The following TXLNA variants were observed in gnomAD, a reference collection of about 807,000 sequenced individuals.
TXLNA encodes taxilin alpha, also known as alpha-taxilin.
A neutral mutation model predicts 61.4 loss-of-function variants in TXLNA; 9 were observed. The observed-to-expected ratio is 0.15, with a 90% CI of 0.09 to 0.26. The LOEUF (loss-of-function observed/expected upper bound fraction) is 0.26. TXLNA is among the 10% of genes least tolerant of loss of function. The pLI is 1.00. For synonymous variants in TXLNA, 257 were observed against 267.7 expected (o/e 0.96, Z 0.39); for missense variants, 565 against 688.8 (o/e 0.82, Z 2.01).
chr1:32,193,727 T>C (rs931737587), intron 9 of TXLNA, among the ~76,000 whole-genome samples: 1 of 151,910 alleles, frequency 6.6e-6, no homozygotes, highest in African/African-American at 2.4e-5. Flanking sequence ...TCTTTTTTTT[T>C]TGTATTTTTA....
At position 32,181,676 on chromosome 1, in the gene TXLNA, G is replaced by A. The variant is rs1022388134; in HGVS notation, c.505+99G>A. On this transcript the variant is annotated intron_variant, in intron 3 of 10. Coordinates refer to ENST00000373610, the MANE Select transcript of TXLNA (RefSeq NM_175852.4). Reference sequence around the variant, plus strand: ...GTTCTGCCAGGATTCAAAGGAAAACGGTACTTCTCAGAGCAGCAAGTCACT... The same window carrying A: ...GTTCTGCCAGGATTCAAAGGAAAACAGTACTTCTCAGAGCAGCAAGTCACT... 56 of 1,182,106 alleles carry A rather than the reference G, an allele frequency of 4.7e-5. No individual in the cohort carries two copies. In the African/African-American group the frequency reaches 5.1e-4, roughly 11 times the overall value. The allele number at this position is 1,182,106 out of a possible 1,614,324, so 73.2% of individuals were successfully genotyped here. A position where few individuals can be genotyped will look rare whatever the true frequency, so the allele number is the denominator to read the frequency against.
rs190554231 is a variant in TXLNA at position 32,187,369 on chromosome 1, G to A, written c.598-585G>A. The stretch of plus-strand genomic sequence containing the variant: ...CATTATATTTCTGTTGTACAGGCCT[G>A]GATAGGGTCATGGGAGGGGAACTGA... On this transcript the variant is annotated intron_variant, in intron 4 of 10. Coordinates refer to ENST00000373610, the MANE Select transcript of TXLNA (RefSeq NM_175852.4). Among the ~76,000 whole-genome samples, 24 of 152,264 alleles carry A rather than the reference G, an allele frequency of 1.6e-4. No individual in the cohort carries two copies. In the East Asian group the frequency reaches 4.2e-3, roughly 27 times the overall value.
chr1:32,191,559 C>T (rs573634977), intron 6 of TXLNA, among the ~76,000 whole-genome samples: 123 of 152,040 alleles, frequency 8.1e-4, no homozygotes, highest in Non-Finnish European at 1.3e-3. Context: ...TTTCTCTCCC[C>T]GCCAAGGCAA....
At chr1:32,194,802 C>G in intron 10 of TXLNA, 100 bp from the exon 11 acceptor site, 2 of 1,403,360 alleles carry the variant, frequency 1.4e-6, no homozygotes, top group Non-Finnish European at 9.7e-7. Flanking sequence ...GCTTTGGACT[C>G]GGTCTGCTCT....
chr1:32,180,829 A>T (rs1409607620), intron 2 of TXLNA, among the ~76,000 whole-genome samples: 1 of 152,210 alleles, frequency 6.6e-6, no homozygotes, highest in Non-Finnish European at 1.5e-5. Flanking sequence ...TTCCTGTTTG[A>T]GGCATTTCTA....
intron 10 of TXLNA, 86 bp downstream of exon 10, chr1:32,194,246 A>C: frequency 9.2e-7 from 1 of 1,087,308 alleles, no homozygotes; most frequent in Non-Finnish European, 1.4e-6. Context: ...CCCATCAGTG[A>C]CACAGCTAGC....
intron 4 of TXLNA, 59 bp downstream of exon 4, chr1:32,184,675 G>T: frequency 8.0e-7 from 1 of 1,249,376 alleles, no homozygotes; most frequent in Non-Finnish European, 1.2e-6. Context: ...ATGCCACCTG[G>T]TGTAAGGTTG....
intron 5 of TXLNA, among the ~76,000 whole-genome samples, chr1:32,189,031 CTG>C (rs750370848): frequency 6.6e-6 from 1 of 152,114 alleles, no homozygotes; most frequent in Non-Finnish European, 1.5e-5. Context: ...ATTTCATATC[CTG>C]TGCCTTTTTT....
intron 3 of TXLNA, 104 bp from the exon 4 acceptor site, chr1:32,184,421 A>C (rs1569601462): frequency 1.3e-6 from 1 of 749,326 alleles, no homozygotes; most frequent in South Asian, 1.6e-5. Context: ...GCAAAATATA[A>C]AGTATGATGG....
chr1:32,183,751 T>A (rs1241681200), intron 3 of TXLNA, among the ~76,000 whole-genome samples: 1 of 145,578 alleles, frequency 6.9e-6, no homozygotes, highest in Non-Finnish European at 1.5e-5. Context: ...ATTAATTAAT[T>A]TTTTTAGACA....
Position 32,195,260 on chromosome 1 carries a change from G to T in TXLNA, c.*65G>T. The T allele has an allele frequency of 6.7e-7, 1 of 1,487,736 alleles. No homozygotes were observed. The highest frequency in any genetic ancestry group is 9.0e-7 in the Non-Finnish European group (1 of 1,116,024). 92.2% of individuals were successfully genotyped at this position (1,487,736 alleles called of 1,614,324 possible). A position where few individuals can be genotyped will look rare whatever the true frequency, so the allele number is the denominator to read the frequency against. On this transcript the variant is annotated 3_prime_UTR_variant, in exon 11 of 11. Coordinates refer to ENST00000373610, the MANE Select transcript of TXLNA (RefSeq NM_175852.4). ...CCCAGCCAGGCCTGGCCCATAAAAGGCTCCCATGCTGAGCAGCCCATTGCT... is the reference window on the plus strand; with the variant it reads ...CCCAGCCAGGCCTGGCCCATAAAAGTCTCCCATGCTGAGCAGCCCATTGCT...
In TXLNA at chr1:32,186,291, G is replaced by T. The variant is rs1054324669; in HGVS notation, c.598-1663G>T. Among the ~76,000 whole-genome samples, 4 of 152,198 alleles carry T rather than the reference G, an allele frequency of 2.6e-5. No homozygotes were observed. In the South Asian group the frequency reaches 6.2e-4, roughly 24 times the overall value. ...CTGTGGTAACCACATGGCTAGGTCTGTGTGACTGGAGGAGAGGACGGGGCA... is the reference window on the plus strand; with the variant it reads ...CTGTGGTAACCACATGGCTAGGTCTTTGTGACTGGAGGAGAGGACGGGGCA... On this transcript the variant is annotated intron_variant, in intron 4 of 10. Transcript: ENST00000373610.
At chr1:32,194,531 T>G (rs1304821205) in intron 10 of TXLNA, among the ~76,000 whole-genome samples, 1 of 152,116 alleles carries the variant, frequency 6.6e-6, no homozygotes, top group African/African-American at 2.4e-5. Context: ...GCTGAAAGTT[T>G]TTGGGTTTTT....
intron 6 of TXLNA, among the ~76,000 whole-genome samples, chr1:32,191,040 GCCA>G (rs1642894408): frequency 6.7e-6 from 1 of 148,742 alleles, no homozygotes; most frequent in Non-Finnish European, 1.5e-5. Context: ...GTTGCAATGA[GCCA>G]AGATTGTGCT....
At position 32,194,928 on chromosome 1, in the gene TXLNA, G is replaced by A; in HGVS notation, c.1374G>A (p.Glu458=). Residue 458 remains glutamate (E), a synonymous_variant, in exon 11 of 11, where the codon GAG becomes GAA. Transcript: ENST00000373610. ...EEKTVRDKEL[E]GLQVKIQRLE... is the part of the protein sequence containing the mutation. The stretch of plus-strand genomic sequence containing the variant: ...AAACAGTCCGGGATAAAGAACTGGA[G>A]GGCCTGCAGGTAAAAATCCAACGGC... The A allele has an allele frequency of 1.9e-6, 3 of 1,613,290 alleles. No homozygotes were observed. Among genetic ancestry groups the A allele is most frequent in the South Asian group, 1.1e-5 (1 of 91,006 alleles).
rs1420394655 is a variant in TXLNA, at chr1:32,194,308, G to A, written c.1347+148G>A. On this transcript the variant is annotated intron_variant, in intron 10 of 10. Coordinates refer to ENST00000373610, the MANE Select transcript of TXLNA (RefSeq NM_175852.4). ...AATGTCCAAGTCCAAAGTTAATGCT[G>A]TTCTCTCCCCATGGGAGGTGGTGAG... The A allele has an allele frequency of 2.6e-5, 18 of 685,700 alleles. No individual in the cohort carries two copies. In the East Asian group the frequency reaches 4.2e-4, roughly 16 times the overall value. 42.5% of individuals were successfully genotyped at this position (685,700 alleles called of 1,614,324 possible).
At chr1:32,189,065 C>T (rs1218753621) in intron 5 of TXLNA, among the ~76,000 whole-genome samples, 1 of 151,908 alleles carries the variant, frequency 6.6e-6, no homozygotes, top group Non-Finnish European at 1.5e-5. Context: ...AACATTTTTC[C>T]CTATCAGTAT....
At chr1:32,181,894 T>A (rs145001819) in intron 3 of TXLNA, among the ~76,000 whole-genome samples, 1 of 152,280 alleles carries the variant, frequency 6.6e-6, no homozygotes, top group East Asian at 1.9e-4. Flanking sequence ...ACCTTGGGTG[T>A]GTCCCTTCTC....
chr1:32,180,758 C>T (rs1642637485), intron 2 of TXLNA, among the ~76,000 whole-genome samples: 1 of 152,250 alleles, frequency 6.6e-6, no homozygotes, highest in Non-Finnish European at 1.5e-5. Context: ...CCAAACGAGG[C>T]ACCCAGTCAG....
Sources: allele counts gnomAD v4.1 joint callset (sites outside exome capture counted in the v4.1 genomes callset), GRCh38; gene constraint gnomAD v4.1.1; transcripts MANE v1.5; gene names NCBI Gene and HGNC (gene_info 2026-07-23, HGNC 2026-07-21).